BCL11A: variants seen among roughly 807,000 people sequenced by gnomAD.
BCL11A encodes the protein BCL11 transcription factor A, also known as B cell CLL/lymphoma 11A.
BCL11A carries 2 observed loss-of-function variants against 55.9 expected under a neutral mutation model. The ratio of observed to expected loss-of-function variants is 0.04; its 90% CI spans 0.01 to 0.11. BCL11A has a LOEUF of 0.11. Among genes scored for constraint, BCL11A ranks in the 10% least tolerant of loss-of-function variants. BCL11A has a pLI of 1.00. For synonymous variants in BCL11A, 465 were observed against 473.4 expected (o/e 0.98, Z 0.23); for missense variants, 817 against 1,137.1 (o/e 0.72, Z 4.05).
At chr2:60,482,025 T>A (rs765155292) in intron 2 of BCL11A, among the ~76,000 whole-genome samples, 1 of 152,204 alleles carries the variant, frequency 6.6e-6, no homozygotes, top group Non-Finnish European at 1.5e-5. Context: ...AGTGGAGGGC[T>A]TGTTTGTCAT....
At chr2:60,474,773 C>T (rs907682669) in intron 2 of BCL11A, among the ~76,000 whole-genome samples, 1 of 152,140 alleles carries the variant, frequency 6.6e-6, no homozygotes, top group African/African-American at 2.4e-5. Flanking sequence ...AAATATTTAC[C>T]GAGTGCCTAC....
chr2:60,510,710 G>T (rs1192734719), intron 2 of BCL11A, among the ~76,000 whole-genome samples: 1 of 152,150 alleles, frequency 6.6e-6, no homozygotes. Context: ...GTTGAAAAAT[G>T]AATGAGTGAA....
chr2:60,510,645 T>C (rs1211439058), intron 2 of BCL11A, among the ~76,000 whole-genome samples: 1 of 152,196 alleles, frequency 6.6e-6, no homozygotes, highest in Non-Finnish European at 1.5e-5. Context: ...TTTAAGGCTT[T>C]CTATGCCCAA....
At chr2:60,489,809 A>G (rs946483241) in intron 2 of BCL11A, among the ~76,000 whole-genome samples, 1 of 152,166 alleles carries the variant, frequency 6.6e-6, no homozygotes, top group African/African-American at 2.4e-5. Context: ...AGTTCAGGCT[A>G]GCTTAATAAC....
rs745571632 is a variant in BCL11A at position 60,461,082 on chromosome 2, G to A, written c.1830C>T (p.Gly610=). 3.1e-6 allele frequency: 5 copies of A among 1,602,428 alleles called. No homozygotes were observed. Among genetic ancestry groups the A allele is most frequent in the Admixed American group, 1.7e-5 (1 of 59,228 alleles). ...GTVNGRGCSP[G]ESASGGLSKK... Reference sequence around the variant, plus strand: ...TGGACAGGCCCCCCGAGGCCGACTCGCCCGGGGAGCAGCCGCGGCCATTAA... The same window carrying A: ...TGGACAGGCCCCCCGAGGCCGACTCACCCGGGGAGCAGCCGCGGCCATTAA... The change falls in exon 4 of 4, where the codon GGC becomes GGT. Residue 610 remains glycine (G), a synonymous_variant. Transcript: ENST00000642384.
Position 60,483,628 on chromosome 2 carries a change from A to G in BCL11A, c.386-14795T>C, listed in dbSNP as rs558254441. On this transcript the variant is annotated intron_variant, in intron 2 of 3. Coordinates refer to ENST00000642384, the MANE Select transcript of BCL11A (RefSeq NM_022893.4). ...GTTGTCAGAAATAACTCAAGAGAGG[A>G]TGCTCGTCCCCAGGAAACATCAAAT... Among the ~76,000 whole-genome samples, 31 of 152,342 alleles carry G rather than the reference A, an allele frequency of 2.0e-4. No individual in the cohort carries two copies. In the Middle Eastern group the frequency reaches 0.01, roughly 50 times the overall value.
Position 60,460,232 on chromosome 2 carries a change from A to T in BCL11A, c.*172T>A. The T allele has an allele frequency of 3.0e-6, 4 of 1,336,520 alleles. No homozygotes were observed. The highest frequency in any genetic ancestry group is 3.8e-6 in the Non-Finnish European group (4 of 1,046,038). The allele number at this position is 1,336,520 out of a possible 1,614,324, so 82.8% of individuals were successfully genotyped here. ...AAGAAAAAAAACAGGTGTGCTGGTG[A>T]CAAGCACTCTCATATTCTTAGCTTC... On this transcript the variant is annotated 3_prime_UTR_variant, in exon 4 of 4. Coordinates refer to ENST00000642384, the MANE Select transcript of BCL11A (RefSeq NM_022893.4).
chr2:60,488,919 G>A (rs966673727), intron 2 of BCL11A, among the ~76,000 whole-genome samples: 1 of 152,032 alleles, frequency 6.6e-6, no homozygotes, highest in Non-Finnish European at 1.5e-5. Flanking sequence ...GCCACCACAC[G>A]CGGCTAATTT....
intron 2 of BCL11A, chr2:60,542,753 G>C (rs1490706472): frequency 1.3e-5 from 2 of 152,324 alleles, no homozygotes; most frequent in Non-Finnish European, 2.9e-5. Context: ...TTTGGGCCAG[G>C]TGCGGTCGCT....
rs867919413 is a variant in BCL11A at position 60,546,063 on chromosome 2, G to A, written c.293C>T (p.Pro98Leu). 1 of 1,614,226 alleles carries A rather than the reference G, an allele frequency of 6.2e-7. No individual in the cohort carries two copies. Among genetic ancestry groups the A allele is most frequent in the Non-Finnish European group, 8.5e-7 (1 of 1,180,044 alleles). Residue 98 changes from proline to leucine, a missense_variant, in exon 2 of 4, where the codon CCC becomes CTC. Pro to Leu is a moderately conservative substitution (Grantham distance 98). This residue lies in a region of BCL11A where 363 missense variants were observed against 486.6 expected (regional missense o/e 0.75). Coordinates refer to ENST00000642384, the MANE Select transcript of BCL11A (RefSeq NM_022893.4). This position sits in a 1 kb window ranked among gnomAD's most constrained non-coding sequence, Gnocchi z 4.1. ...SPIEMKKASN[P>L]VEVGIQVTPE... ...CGTGACCTGGATGCCAACCTCCACG[G>A]GATTGGATGCTTTTTTCATCTCGAT...
Position 60,460,515 on chromosome 2 carries a change from A to G in BCL11A, c.2397T>C (p.Val799=). ...MKTHGQVGKD[V]YKCEICKMPF... ...GCATCTTACAAATTTCACATTTGTA[A>G]ACGTCCTTCCCCACCTGGCCATGCG... The change falls in exon 4 of 4, where the codon GTT becomes GTC. Residue 799 remains valine, a synonymous_variant. Transcript: ENST00000642384. The G allele has an allele frequency of 1.2e-6, 2 of 1,614,094 alleles. No homozygotes were observed. The highest frequency in any genetic ancestry group is 1.7e-6 in the Non-Finnish European group (2 of 1,180,016).
chr2:60,483,565 C>G (rs1356395132), intron 2 of BCL11A, among the ~76,000 whole-genome samples: 1 of 152,230 alleles, frequency 6.6e-6, no homozygotes, highest in African/African-American at 2.4e-5. Context: ...TAAGTTAGGG[C>G]ACTGTGTTCA....
intron 2 of BCL11A, among the ~76,000 whole-genome samples, chr2:60,540,340 T>C (rs2104705345): frequency 6.6e-6 from 1 of 152,326 alleles, no homozygotes; most frequent in East Asian, 1.9e-4. Context: ...GACTTGGGCT[T>C]GGGGTAAATT....
rs3220033 is a variant in BCL11A, at chr2:60,538,737, C to G, written c.385+7234G>C. 6.2e-3 allele frequency among the ~76,000 whole-genome samples: 733 copies of G among 118,680 alleles called. 9 individuals are homozygous for G. Among genetic ancestry groups the G allele is most frequent in the African/African-American group, 0.019 (591 of 30,902 alleles). The allele number at this position is 118,680 out of a possible 152,430, so 77.9% of individuals were successfully genotyped here. A position where few individuals can be genotyped will look rare whatever the true frequency, so the allele number is the denominator to read the frequency against. ...ACTGAATGTCTCTCTCTCTCTCTCTCTCTGTGTGTGTGTGTGTGTGTGTGT... is the reference window on the plus strand; with the variant it reads ...ACTGAATGTCTCTCTCTCTCTCTCTGTCTGTGTGTGTGTGTGTGTGTGTGT... On this transcript the variant is annotated intron_variant, in intron 2 of 3. Coordinates refer to ENST00000642384, the MANE Select transcript of BCL11A (RefSeq NM_022893.4).
At chr2:60,509,185 T>C (rs1309208174) in intron 2 of BCL11A, among the ~76,000 whole-genome samples, 1 of 152,238 alleles carries the variant, frequency 6.6e-6, no homozygotes, top group Admixed American at 6.5e-5. Context: ...CCCAATAATT[T>C]ACTTGGTCTC....
chr2:60,458,601 GT>G lies in BCL11A; in HGVS notation c.*1802del, dbSNP rs879782250. ...AATAGTCAAGTAAATGGCTGGCAAA[GT>G]TTTTTTTTTTTTAGTTTTTAAAAAA... On this transcript the variant is annotated 3_prime_UTR_variant, in exon 4 of 4. Transcript: ENST00000642384. 0.019 allele frequency: 14,634 copies of G among 762,980 alleles called. No homozygotes were observed. Among genetic ancestry groups the G allele is most frequent in the East Asian group, 0.033 (424 of 12,792 alleles). The allele number at this position is 762,980 out of a possible 1,614,324, so 47.3% of individuals were successfully genotyped here. A position where few individuals can be genotyped will look rare whatever the true frequency, so the allele number is the denominator to read the frequency against.
chr2:60,467,687 G>GTAA (rs1558619851), intron 3 of BCL11A, among the ~76,000 whole-genome samples: 2 of 97,448 alleles, frequency 2.1e-5, no homozygotes, highest in East Asian at 7.9e-4. Flanking sequence ...GGTGATGGTG[G>GTAA]TGGTGGTGGT....
chr2:60,516,880 C>T lies in BCL11A; in HGVS notation c.385+29091G>A, dbSNP rs1334969155. Among the ~76,000 whole-genome samples, 3 of 152,258 alleles carry T rather than the reference C, an allele frequency of 2.0e-5. No individual in the cohort carries two copies. The East Asian group carries it at 5.8e-4, about 29-fold the overall frequency. On this transcript the variant is annotated intron_variant, in intron 2 of 3. Coordinates refer to ENST00000642384, the MANE Select transcript of BCL11A (RefSeq NM_022893.4). ...TCAGACTAATGTTTGAGTAAAAGAG[C>T]TGGAAAACCAGCAGATTCTAAAGAG...
intron 2 of BCL11A, among the ~76,000 whole-genome samples, chr2:60,511,598 A>G (rs1164820318): frequency 2.6e-5 from 4 of 152,194 alleles, no homozygotes; most frequent in African/African-American, 9.6e-5. Flanking sequence ...CTGATTCAAA[A>G]CTGAAGACTC....
Sources: allele counts gnomAD v4.1 joint callset (sites outside exome capture counted in the v4.1 genomes callset), GRCh38; gene constraint gnomAD v4.1.1; regional missense constraint gnomAD v4.1.1; non-coding constraint Gnocchi (gnomAD v3.1); transcripts MANE v1.5; gene names NCBI Gene and HGNC (gene_info 2026-07-23, HGNC 2026-07-21).